The following PCDHA4 variants were observed in gnomAD, a reference collection of about 807,000 sequenced individuals.
The protein encoded by PCDHA4 is protocadherin alpha-4.
PCDHA4 carries 49 observed loss-of-function variants against 61.4 expected under a neutral mutation model. That is an observed-to-expected ratio of 0.80 (90% CI 0.63 to 1.01). The LOEUF is 1.01. Among genes scored for constraint, PCDHA4 ranks in the 50% least tolerant of loss-of-function variants. The probability of loss-of-function intolerance (pLI) is 0.00; values close to 1 mark genes in which losing one functional copy is unlikely to be tolerated. For missense variants in PCDHA4, 1,254 were observed against 1,235.8 expected, an observed-to-expected ratio of 1.01 and a Z score of -0.22; for synonymous variants, 590 against 550.3, an observed-to-expected ratio of 1.07 and a Z score of -1.01.
intron 1 of PCDHA4, chr5:140,878,049 A>G (rs1365340256): frequency 2.1e-6 from 1 of 479,780 alleles, no homozygotes; most frequent in African/African-American, 2.0e-5. Flanking sequence ...GCCATGGAGC[A>G]CCACACTTAA....
At chr5:140,824,290 T>G (rs1414712153) in intron 1 of PCDHA4, 1 of 971,324 alleles carries the variant, frequency 1.0e-6, no homozygotes, top group African/African-American at 1.6e-5. Flanking sequence ...TTTATGAGGC[T>G]TTTCTGCTGG....
At chr5:140,843,111 T>TGAA (rs2150352902) in intron 1 of PCDHA4, 1 of 1,595,832 alleles carries the variant, frequency 6.3e-7, no homozygotes, top group South Asian at 1.1e-5. Context: ...GTGCGCGCAG[T>TGAA]GGACGCCGAC....
intron 1 of PCDHA4, among the ~76,000 whole-genome samples, chr5:140,941,941 T>G (rs1461291615): frequency 1.3e-5 from 2 of 152,246 alleles, no homozygotes; most frequent in Admixed American, 1.3e-4. Context: ...TGAATTACTT[T>G]TGTTTTGAAA....
chr5:140,930,196 T>A (rs1554207641), intron 1 of PCDHA4: 3 of 152,226 alleles, frequency 2.0e-5, no homozygotes, highest in African/African-American at 7.2e-5. Context: ...AATTTTTATG[T>A]CAGAAATATT....
intron 1 of PCDHA4, among the ~76,000 whole-genome samples, chr5:140,839,736 C>T (rs1046330688): frequency 6.6e-6 from 1 of 151,778 alleles, no homozygotes; most frequent in African/African-American, 2.4e-5. Context: ...CAGAAAATAC[C>T]CTTATTTGCC....
At chr5:140,956,949 A>G (rs1027198370) in intron 1 of PCDHA4, among the ~76,000 whole-genome samples, 5 of 140,514 alleles carry the variant, frequency 3.6e-5, no homozygotes, top group African/African-American at 1.3e-4. Flanking sequence ...TTTACATTAA[A>G]ACACTGTAAT....
rs1383515995 is a variant in PCDHA4 at position 140,856,091 on chromosome 5, C to T, written c.2385+46519C>T. The stretch of plus-strand genomic sequence containing the variant: ...CTGCCTGGGGGTCCAGTGTCTGCTG[C>T]TCTCGCTTCTTCTCCTCGCAGCCTG... On this transcript the variant is annotated intron_variant, in intron 1 of 3. Coordinates refer to ENST00000530339, the MANE Select transcript of PCDHA4 (RefSeq NM_018907.4). 13 of 1,597,006 alleles carry T rather than the reference C, an allele frequency of 8.1e-6. 1 individual carries two copies. The highest frequency in any genetic ancestry group is 1.3e-5 in the African/African-American group (1 of 74,304).
At position 140,807,432 on chromosome 5, in the gene PCDHA4, G is replaced by T. The variant is rs1554124011; in HGVS notation, c.245G>T (p.Gly82Val). The T allele has an allele frequency of 1.9e-6, 3 of 1,599,340 alleles. No individual in the cohort carries two copies. The South Asian group carries it at 3.3e-5, about 18-fold the overall frequency. Residue 82 changes from glycine (G) to valine (V), a missense_variant, in exon 1 of 4, where the codon GGC becomes GTC. Coordinates refer to ENST00000530339, the MANE Select transcript of PCDHA4 (RefSeq NM_018907.4). ...CTTCTGGAGGTAAATCTGCAGAATG[G>T]CATTTTGTTTGTGAATTCTCGGATC... Reference protein sequence around the residue: ...GGLLEVNLQNGILFVNSRIDR... With the variant: ...GGLLEVNLQNVILFVNSRIDR...
intron 1 of PCDHA4, among the ~76,000 whole-genome samples, chr5:140,846,545 T>G (rs1374856613): frequency 6.7e-6 from 1 of 148,364 alleles, no homozygotes; most frequent in Non-Finnish European, 1.5e-5. Context: ...CTGCTAATTT[T>G]TTGTATTTTT....
chr5:140,877,162 G>T (rs782642663), intron 1 of PCDHA4: 3 of 1,613,832 alleles, frequency 1.9e-6, no homozygotes, highest in Non-Finnish European at 1.7e-6. Context: ...CAACGCGCCG[G>T]CACTGCTGGC....
intron 1 of PCDHA4, among the ~76,000 whole-genome samples, chr5:140,820,193 G>C (rs2150106192): frequency 6.6e-6 from 1 of 151,842 alleles, no homozygotes; most frequent in Non-Finnish European, 1.5e-5. Context: ...ATTGATTTGT[G>C]TTTCAACGAT....
In PCDHA4 at chr5:140,850,319, A is replaced by T. The variant is rs1407979146; in HGVS notation, c.2385+40747A>T. On this transcript the variant is annotated intron_variant, in intron 1 of 3. Transcript: ENST00000530339. ...ACTCGGGCTACAACGCGTGGCTTTC[A>T]TACGAGCTGCAGCCAGAAACGGCCA... 3.1e-6 allele frequency: 5 copies of T among 1,597,446 alleles called. No individual in the cohort carries two copies. In the African/African-American group the frequency reaches 6.7e-5, roughly 21 times the overall value.
rs1022603902 is a variant in PCDHA4, at chr5:140,840,855, G to A, written c.2385+31283G>A. 5.9e-5 allele frequency among the ~76,000 whole-genome samples: 9 copies of A among 151,892 alleles called. 1 individual carries two copies. Among genetic ancestry groups the A allele is most frequent in the African/African-American group, 2.2e-4 (9 of 41,294 alleles). Reference sequence around the variant, plus strand: ...AAATATTAATGCATTTCTTCCACACGAAACTATGGAGGACAGTTTACATTT... The same window carrying A: ...AAATATTAATGCATTTCTTCCACACAAAACTATGGAGGACAGTTTACATTT... On this transcript the variant is annotated intron_variant, in intron 1 of 3. Transcript: ENST00000530339.
chr5:140,922,388 CT>C (rs1233800006), intron 1 of PCDHA4, among the ~76,000 whole-genome samples: 1 of 152,148 alleles, frequency 6.6e-6, no homozygotes, highest in Non-Finnish European at 1.5e-5. Flanking sequence ...CCAAAGACTC[CT>C]TGTTTTGGAT....
chr5:140,848,732 G>T lies in PCDHA4; in HGVS notation c.2385+39160G>T, dbSNP rs1554142393. 5.7e-6 allele frequency: 9 copies of T among 1,592,756 alleles called. 1 individual carries two copies. The highest frequency in any genetic ancestry group is 7.7e-6 in the Non-Finnish European group (9 of 1,163,596). ...GCGGGGACCTTCTGGAGGTAAATCT[G>T]CAGAATGGCATTTTGTTTGTGAATT... On this transcript the variant is annotated intron_variant, in intron 1 of 3. Transcript: ENST00000530339.
chr5:140,944,582 C>T (rs1273246926), intron 1 of PCDHA4, among the ~76,000 whole-genome samples: 1 of 152,146 alleles, frequency 6.6e-6, no homozygotes, highest in Non-Finnish European at 1.5e-5. Flanking sequence ...GAGATCACTT[C>T]AGAATTTCCC....
chr5:140,863,307 C>T (rs782595794), intron 1 of PCDHA4: 9 of 1,462,494 alleles, frequency 6.2e-6, no homozygotes, highest in Non-Finnish European at 6.5e-6. Context: ...TCGCCATCTG[C>T]GTGGTGTCCA....
rs2126638059 is a variant in PCDHA4 at position 140,812,385 on chromosome 5, A to G, written c.2385+2813A>G. ...CTTCCAGTCTTTTTGTTTTTTTCTT[A>G]GTCTAGCTAAGGGGCTTGTCAGTTT... On this transcript the variant is annotated intron_variant, in intron 1 of 3. Transcript: ENST00000530339. 9.2e-5 allele frequency: 14 copies of G among 151,850 alleles called. No individual in the cohort carries two copies. In the East Asian group the frequency reaches 2.1e-3, roughly 23 times the overall value. 9.4% of individuals were successfully genotyped at this position (151,850 alleles called of 1,614,324 possible).
rs1554124738 is a variant in PCDHA4, at chr5:140,808,731, G to T, written c.1544G>T (p.Gly515Val). ...TACGTTTCGGTGCATGCGGAGAGCG[G>T]CAAGGTGTACGCGCTGCAGCCGCTG... Reference protein sequence around the residue: ...SSYVSVHAESGKVYALQPLDH... With the variant: ...SSYVSVHAESVKVYALQPLDH... Residue 515 changes from glycine to valine, a missense_variant, in exon 1 of 4, where the codon GGC becomes GTC. Transcript: ENST00000530339. 3.1e-6 allele frequency: 5 copies of T among 1,612,164 alleles called. No homozygotes were observed. Among genetic ancestry groups the T allele is most frequent in the Admixed American group, 1.7e-5 (1 of 60,024 alleles).
Sources: allele counts gnomAD v4.1 joint callset (sites outside exome capture counted in the v4.1 genomes callset), GRCh38; gene constraint gnomAD v4.1.1; transcripts MANE v1.5; gene names NCBI Gene and HGNC (gene_info 2026-07-23, HGNC 2026-07-21).